GNL1: variants seen among roughly 807,000 people sequenced by gnomAD.
The protein encoded by GNL1 is G protein nucleolar 1.
Under a neutral mutation model 75.2 loss-of-function variants are expected in GNL1, and 21 were observed. That is an observed-to-expected ratio of 0.28 (90% CI 0.20 to 0.40). GNL1 has a LOEUF of 0.40. Among genes scored for constraint, GNL1 ranks in the 10% least tolerant of loss-of-function variants. The probability of loss-of-function intolerance (pLI) is 1.00; values close to 1 mark genes in which losing one functional copy is unlikely to be tolerated. For synonymous variants in GNL1, 287 were observed against 303.4 expected (o/e 0.95, Z 0.56); for missense variants, 579 against 775.0 (o/e 0.75, Z 3.00).
chr6:30,554,444 C>A, intron 5 of GNL1, 131 bp downstream of exon 5: 1 of 716,322 alleles, frequency 1.4e-6, no homozygotes, highest in South Asian at 1.6e-5. Flanking sequence ...TAACTGCGGA[C>A]ATCAGCACTA....
Position 30,556,082 on chromosome 6 carries a change from G to A in GNL1, c.73+49C>T. 2 of 1,586,980 alleles carry A rather than the reference G, an allele frequency of 1.3e-6. No homozygotes were observed. Among genetic ancestry groups the A allele is most frequent in the Non-Finnish European group, 1.7e-6 (2 of 1,168,288 alleles). On this transcript the variant is annotated intron_variant, in intron 1 of 11. Coordinates refer to ENST00000376621, the MANE Select transcript of GNL1 (RefSeq NM_005275.5). This position sits in a 1 kb window ranked among gnomAD's most constrained non-coding sequence, Gnocchi z 5.7. ...TGCAGCGGGCACACCCCTCCTTCCAGATGTGCGGAAGCCCGAGCCCCGCCC... is the reference window on the plus strand; with the variant it reads ...TGCAGCGGGCACACCCCTCCTTCCAAATGTGCGGAAGCCCGAGCCCCGCCC...
At chr6:30,554,965 G>A (rs1309401664) in intron 3 of GNL1, 50 bp from the exon 4 acceptor site, 2 of 1,610,342 alleles carry the variant, frequency 1.2e-6, no homozygotes, top group Non-Finnish European at 1.7e-6. Context: ...CAGGATTCAA[G>A]AGTACATCCC....
chr6:30,555,887 C>A lies in GNL1; in HGVS notation c.74-167G>T. The A allele has an allele frequency of 3.6e-6, 3 of 826,958 alleles. No homozygotes were observed. 51.2% of individuals were successfully genotyped at this position (826,958 alleles called of 1,614,324 possible). A position where few individuals can be genotyped will look rare whatever the true frequency, so the allele number is the denominator to read the frequency against. ...CCGGATGTGCGTGGGGGGAGTCACT[C>A]CTTCAGGGAGCAGTGGGGACGGCGC... On this transcript the variant is annotated intron_variant, in intron 1 of 11. Transcript: ENST00000376621. The surrounding 1 kb of genome is among the most constrained non-coding windows in gnomAD (Gnocchi z 4.3).
At position 30,542,270 on chromosome 6, in the gene GNL1, C is replaced by CA. The variant is rs1457986635; in HGVS notation, c.*3801dup. 6.6e-6 allele frequency: 1 copy of CA among 152,242 alleles called. No individual in the cohort carries two copies. The highest frequency in any genetic ancestry group is 1.5e-5 in the Non-Finnish European group (1 of 68,050). 9.4% of individuals were successfully genotyped at this position (152,242 alleles called of 1,614,324 possible). A position where few individuals can be genotyped will look rare whatever the true frequency, so the allele number is the denominator to read the frequency against. On this transcript the variant is annotated 3_prime_UTR_variant, in exon 12 of 12. Transcript: ENST00000376621. This position sits in a 1 kb window ranked among gnomAD's most constrained non-coding sequence, Gnocchi z 4.5. ...GTTCATTTTCCCCGCCACCACCCAT[C>CA]AGCAGCGTTCCACGCCGCCCTTCCT...
At position 30,546,391 on chromosome 6, in the gene GNL1, A is replaced by C; in HGVS notation, c.1583-78T>G. ...AGCCAAGGAAAGATGGGGAAGAGGCAAAGACTAGGAATAACAATAATCTTT... is the reference window on the plus strand; with the variant it reads ...AGCCAAGGAAAGATGGGGAAGAGGCCAAGACTAGGAATAACAATAATCTTT... On this transcript the variant is annotated intron_variant, in intron 11 of 11. Coordinates refer to ENST00000376621, the MANE Select transcript of GNL1 (RefSeq NM_005275.5). The surrounding 1 kb of genome is among the most constrained non-coding windows in gnomAD (Gnocchi z 5.1). 1 of 826,484 alleles carries C rather than the reference A, an allele frequency of 1.2e-6. No homozygotes were observed. The highest frequency in any genetic ancestry group is 2.0e-6 in the Non-Finnish European group (1 of 512,508). 51.2% of individuals were successfully genotyped at this position (826,484 alleles called of 1,614,324 possible).
rs1332224491 is a variant in GNL1, at chr6:30,547,820, T to G, written c.1100-290A>C. 7 of 484,014 alleles carry G rather than the reference T, an allele frequency of 1.4e-5. No homozygotes were observed. Among genetic ancestry groups the G allele is most frequent in the Admixed American group, 4.0e-5 (1 of 24,736 alleles). The allele number at this position is 484,014 out of a possible 1,614,324, so 30.0% of individuals were successfully genotyped here. ...AATGAGATAACCAATACAACTTGTG[T>G]GGGTCAGTGCCTGCAGTACAGTAAG... On this transcript the variant is annotated intron_variant, in intron 8 of 11. Transcript: ENST00000376621. This position sits in a 1 kb window ranked among gnomAD's most constrained non-coding sequence, Gnocchi z 5.5.
rs778587551 is a variant in GNL1 at position 30,555,783 on chromosome 6, C to T, written c.74-63G>A. The stretch of plus-strand genomic sequence containing the variant: ...TCTCAGGGGCCATAAGACCCTCTCC[C>T]CCATCGGCCTGACTCCCTTTCATCC... On this transcript the variant is annotated intron_variant, in intron 1 of 11. Coordinates refer to ENST00000376621, the MANE Select transcript of GNL1 (RefSeq NM_005275.5). The surrounding 1 kb of genome is among the most constrained non-coding windows in gnomAD (Gnocchi z 4.3). 29 of 1,530,192 alleles carry T rather than the reference C, an allele frequency of 1.9e-5. No homozygotes were observed. In the East Asian group the frequency reaches 6.1e-4, roughly 32 times the overall value. 94.8% of individuals were successfully genotyped at this position (1,530,192 alleles called of 1,614,324 possible). A position where few individuals can be genotyped will look rare whatever the true frequency, so the allele number is the denominator to read the frequency against.
rs749324764 is a variant in GNL1 at position 30,546,745 on chromosome 6, G to A, written c.1533C>T (p.Asp511=). The A allele has an allele frequency of 1.2e-4, 196 of 1,609,552 alleles. No individual in the cohort carries two copies. Among genetic ancestry groups the A allele is most frequent in the South Asian group, 8.5e-4 (77 of 91,022 alleles). ...AANSLLRLAV[D]GRLSLCFHPP... ...GATGAAAACACAGGCTGAGGCGGCCGTCCACTGCCAGCCGCAAGAGACTGT... is the reference window on the plus strand; with the variant it reads ...GATGAAAACACAGGCTGAGGCGGCCATCCACTGCCAGCCGCAAGAGACTGT... Residue 511 remains aspartate (D), a synonymous_variant, in exon 11 of 12, where the codon GAC becomes GAT. Coordinates refer to ENST00000376621, the MANE Select transcript of GNL1 (RefSeq NM_005275.5). The surrounding 1 kb of genome is among the most constrained non-coding windows in gnomAD (Gnocchi z 5.1).
At chr6:30,554,681 CAG>C (rs1800020185) in intron 4 of GNL1, 35 bp from the exon 5 acceptor site, 1 of 1,591,894 alleles carries the variant, frequency 6.3e-7, no homozygotes, top group African/African-American at 1.3e-5. Context: ...AAACTGAAAA[CAG>C]AGTCCCTCTC....
Position 30,552,415 on chromosome 6 carries a change from A to C in GNL1, c.1099+52T>G. On this transcript the variant is annotated intron_variant, in intron 8 of 11. Coordinates refer to ENST00000376621, the MANE Select transcript of GNL1 (RefSeq NM_005275.5). This position sits in a 1 kb window ranked among gnomAD's most constrained non-coding sequence, Gnocchi z 4.5. ...TCGCCCTCTCTCTTCTCCGAATATG[A>C]AAACTCTGTACCTCCTTGGAGGCCA... is the stretch of plus-strand genomic sequence containing the variant. 1 of 1,469,084 alleles carries C rather than the reference A, an allele frequency of 6.8e-7. No individual in the cohort carries two copies. The allele number at this position is 1,469,084 out of a possible 1,614,324, so 91.0% of individuals were successfully genotyped here. A position where few individuals can be genotyped will look rare whatever the true frequency, so the allele number is the denominator to read the frequency against.
Position 30,556,382 on chromosome 6 carries a change from G to T in GNL1, c.-179C>A. The T allele has an allele frequency of 3.0e-6, 2 of 661,290 alleles. No individual in the cohort carries two copies. The highest frequency in any genetic ancestry group is 5.2e-6 in the Non-Finnish European group (2 of 383,264). The allele number at this position is 661,290 out of a possible 1,614,324, so 41.0% of individuals were successfully genotyped here. ...GCGGCGGCGATGGAAGGCGGACGGG[G>T]GAGATATAGTCACTTCCCTCCAGGA... On this transcript the variant is annotated 5_prime_UTR_variant, in exon 1 of 12. Transcript: ENST00000376621. The surrounding 1 kb of genome is among the most constrained non-coding windows in gnomAD (Gnocchi z 5.7).
chr6:30,551,485 AC>A (rs1401478156), intron 8 of GNL1, among the ~76,000 whole-genome samples: 1 of 152,152 alleles, frequency 6.6e-6, no homozygotes, highest in African/African-American at 2.4e-5. Context: ...CACCTCAGAT[AC>A]CATAACTTGT....
At position 30,546,439 on chromosome 6, in the gene GNL1, TCATC is replaced by T; in HGVS notation, c.1583-130_1583-127del. Reference sequence around the variant, plus strand: ...TTTAGAGCTGCTGGCATTCATTCATTCATCCATTCATTCAACTTCCTATGTGCAG... The same window carrying T: ...TTTAGAGCTGCTGGCATTCATTCATTCATTCATTCAACTTCCTATGTGCAG... On this transcript the variant is annotated intron_variant, in intron 11 of 11. Coordinates refer to ENST00000376621, the MANE Select transcript of GNL1 (RefSeq NM_005275.5). This position sits in a 1 kb window ranked among gnomAD's most constrained non-coding sequence, Gnocchi z 5.1. 1.4e-6 allele frequency: 1 copy of T among 704,446 alleles called. No individual in the cohort carries two copies. The highest frequency in any genetic ancestry group is 2.4e-6 in the Non-Finnish European group (1 of 411,322). 43.6% of individuals were successfully genotyped at this position (704,446 alleles called of 1,614,324 possible). A position where few individuals can be genotyped will look rare whatever the true frequency, so the allele number is the denominator to read the frequency against.
At position 30,555,430 on chromosome 6, in the gene GNL1, G is replaced by A; in HGVS notation, c.239+125C>T. On this transcript the variant is annotated intron_variant, in intron 2 of 11. Transcript: ENST00000376621. This position sits in a 1 kb window ranked among gnomAD's most constrained non-coding sequence, Gnocchi z 4.3. ...ACTGTGGCCCGCTGTGGGGAGCCGAGTGGCTAGCGGAGAACTGTGGCATCC... is the reference window on the plus strand; with the variant it reads ...ACTGTGGCCCGCTGTGGGGAGCCGAATGGCTAGCGGAGAACTGTGGCATCC... 2 of 1,040,062 alleles carry A rather than the reference G, an allele frequency of 1.9e-6. No homozygotes were observed. The highest frequency in any genetic ancestry group is 4.3e-5 in the Admixed American group (2 of 46,106). 64.4% of individuals were successfully genotyped at this position (1,040,062 alleles called of 1,614,324 possible).
chr6:30,555,793 T>C lies in GNL1; in HGVS notation c.74-73A>G. 6.8e-7 allele frequency: 1 copy of C among 1,470,994 alleles called. No individual in the cohort carries two copies. Among genetic ancestry groups the C allele is most frequent in the Non-Finnish European group, 9.4e-7 (1 of 1,066,666 alleles). 91.1% of individuals were successfully genotyped at this position (1,470,994 alleles called of 1,614,324 possible). On this transcript the variant is annotated intron_variant, in intron 1 of 11. Coordinates refer to ENST00000376621, the MANE Select transcript of GNL1 (RefSeq NM_005275.5). This position sits in a 1 kb window ranked among gnomAD's most constrained non-coding sequence, Gnocchi z 4.3. ...CATAAGACCCTCTCCCCCATCGGCC[T>C]GACTCCCTTTCATCCCACTCAACTT...
intron 8 of GNL1, among the ~76,000 whole-genome samples, chr6:30,551,737 TAA>T (rs1799791348): frequency 6.6e-6 from 1 of 152,218 alleles, no homozygotes; most frequent in Non-Finnish European, 1.5e-5. Context: ...ATAAACCACT[TAA>T]AACAGTGCCT....
At position 30,546,056 on chromosome 6, in the gene GNL1, G is replaced by A; in HGVS notation, c.*16C>T. 2.5e-6 allele frequency: 4 copies of A among 1,579,878 alleles called. No homozygotes were observed. The highest frequency in any genetic ancestry group is 3.5e-6 in the Non-Finnish European group (4 of 1,159,114). On this transcript the variant is annotated 3_prime_UTR_variant, in exon 12 of 12. Transcript: ENST00000376621. The surrounding 1 kb of genome is among the most constrained non-coding windows in gnomAD (Gnocchi z 5.1). Reference sequence around the variant, plus strand: ...AGCAAAGATACTGGGAGGGAAGATGGCGCTGGGCGAGGAACTCAGCACTCA... The same window carrying A: ...AGCAAAGATACTGGGAGGGAAGATGACGCTGGGCGAGGAACTCAGCACTCA...
Position 30,547,868 on chromosome 6 carries a change from T to C in GNL1, c.1100-338A>G, listed in dbSNP as rs1469129787. 2 of 337,128 alleles carry C rather than the reference T, an allele frequency of 5.9e-6. No individual in the cohort carries two copies. Among genetic ancestry groups the C allele is most frequent in the Non-Finnish European group, 1.1e-5 (2 of 185,736 alleles). 20.9% of individuals were successfully genotyped at this position (337,128 alleles called of 1,614,324 possible). ...AAGTACCCAGTACCAGTGATCCACA[T>C]CTCATAATTACTATGACTTGGCCTG... On this transcript the variant is annotated intron_variant, in intron 8 of 11. Coordinates refer to ENST00000376621, the MANE Select transcript of GNL1 (RefSeq NM_005275.5). This position sits in a 1 kb window ranked among gnomAD's most constrained non-coding sequence, Gnocchi z 5.5.
Position 30,552,421 on chromosome 6 carries a change from CTG to C in GNL1, c.1099+44_1099+45del, listed in dbSNP as rs1799843533. The C allele has an allele frequency of 2.7e-6, 4 of 1,504,846 alleles. No homozygotes were observed. The East Asian group carries it at 9.1e-5, about 34-fold the overall frequency. 93.2% of individuals were successfully genotyped at this position (1,504,846 alleles called of 1,614,324 possible). On this transcript the variant is annotated intron_variant, in intron 8 of 11. Coordinates refer to ENST00000376621, the MANE Select transcript of GNL1 (RefSeq NM_005275.5). This position sits in a 1 kb window ranked among gnomAD's most constrained non-coding sequence, Gnocchi z 4.5. ...TCTCTCTTCTCCGAATATGAAAACT[CTG>C]TACCTCCTTGGAGGCCACCACGCAC...
Sources: allele counts gnomAD v4.1 joint callset (sites outside exome capture counted in the v4.1 genomes callset), GRCh38; gene constraint gnomAD v4.1.1; non-coding constraint Gnocchi (gnomAD v3.1); transcripts MANE v1.5; gene names NCBI Gene and HGNC (gene_info 2026-07-23, HGNC 2026-07-21).